OSER1: variants seen among roughly 807,000 people sequenced by gnomAD.
The protein encoded by OSER1 is oxidative stress-responsive serine-rich protein 1.
OSER1 carries 15 observed loss-of-function variants against 26.3 expected under a neutral mutation model. The observed-to-expected ratio is 0.57, with a 90% CI of 0.38 to 0.88. The LOEUF (loss-of-function observed/expected upper bound fraction) is 0.88. Ranked by LOEUF, OSER1 falls within the 40% of genes least tolerant of loss-of-function variation. The pLI, the probability that OSER1 is intolerant of heterozygous loss-of-function variation, is 0.00. For missense variants in OSER1, 313 were observed against 353.9 expected (o/e 0.88, Z 0.93); for synonymous variants, 127 against 128.2 (o/e 0.99, Z 0.07).
In OSER1 at chr20:44,197,337, T is replaced by C. The variant is rs142262946; in HGVS notation, c.594A>G (p.Thr198=). The change falls in exon 4 of 4, where the codon ACA becomes ACG. Residue 198 remains threonine, a synonymous_variant. Transcript: ENST00000255174. ...TACACTGGCATTCCTTGCCTATGCA[T>C]GTGCATGGCTTGCCCTGGTTTAGCT... ...VSKLNQGKPC[T]CIGKECQCKR... 6.1e-5 allele frequency: 98 copies of C among 1,614,216 alleles called. No homozygotes were observed. The African/African-American group carries it at 1.1e-3, about 19-fold the overall frequency.
chr20:44,204,117 T>C (rs372825780), intron 2 of OSER1, among the ~76,000 whole-genome samples: 2 of 152,252 alleles, frequency 1.3e-5, no homozygotes, highest in African/African-American at 4.8e-5. Flanking sequence ...GTTTTTATCC[T>C]GTTTTGTTTT....
intron 2 of OSER1, among the ~76,000 whole-genome samples, chr20:44,205,827 C>G (rs1435855767): frequency 6.6e-6 from 1 of 151,616 alleles, no homozygotes; most frequent in Non-Finnish European, 1.5e-5. Context: ...GTAGTCCCAG[C>G]TACTCGGGAG....
In OSER1 at chr20:44,197,433, G is replaced by A. The variant is rs754375515; in HGVS notation, c.498C>T (p.Ser166=). ...CTTGGGGGACTTGGGTAGCGTCAGA[G>A]GAGTCTTCCTTCTTACTCTCTGATG... ...RLPSESKKED[S]SDATQVPQAS... Residue 166 remains serine, a synonymous_variant, in exon 4 of 4, where the codon TCC becomes TCT. Coordinates refer to ENST00000255174, the MANE Select transcript of OSER1 (RefSeq NM_016470.8). 8.1e-6 allele frequency: 13 copies of A among 1,614,186 alleles called. No individual in the cohort carries two copies. Among genetic ancestry groups the A allele is most frequent in the Non-Finnish European group, 1.1e-5 (13 of 1,180,012 alleles).
chr20:44,201,506 G>C (rs1178253295), intron 3 of OSER1, among the ~76,000 whole-genome samples: 1 of 152,198 alleles, frequency 6.6e-6, no homozygotes, highest in Non-Finnish European at 1.5e-5. Flanking sequence ...AAAAGTAAGT[G>C]ATTGTATATG....
In OSER1 at chr20:44,208,954, C is replaced by A. The variant is rs140535341; in HGVS notation, c.-42+1742G>T. On this transcript the variant is annotated intron_variant, in intron 1 of 3. Transcript: ENST00000255174. ...CCTACAGGCAGAAATTCATTTCTTTCACAAATATTTACAGAATTCCTACCA... is the reference window on the plus strand; with the variant it reads ...CCTACAGGCAGAAATTCATTTCTTTAACAAATATTTACAGAATTCCTACCA... 6.6e-3 allele frequency among the ~76,000 whole-genome samples: 1,010 copies of A among 152,276 alleles called. 2 individuals are homozygous for A. The highest frequency in any genetic ancestry group is 1.0e-2 in the Non-Finnish European group (680 of 68,012).
At position 44,203,103 on chromosome 20, in the gene OSER1, C is replaced by CA. The variant is rs776489371; in HGVS notation, c.78-30dup. ...AAGACAAGAACAAAGTTTACAGCTA[C>CA]AAAAAACTGTAAAATGAGGAGAACA... On this transcript the variant is annotated intron_variant, in intron 2 of 3. Coordinates refer to ENST00000255174, the MANE Select transcript of OSER1 (RefSeq NM_016470.8). The CA allele has an allele frequency of 3.0e-5, 35 of 1,167,978 alleles. 1 individual carries two copies. Among genetic ancestry groups the CA allele is most frequent in the South Asian group, 2.1e-4 (17 of 80,808 alleles). 72.4% of individuals were successfully genotyped at this position (1,167,978 alleles called of 1,614,324 possible). A position where few individuals can be genotyped will look rare whatever the true frequency, so the allele number is the denominator to read the frequency against.
chr20:44,208,118 G>A (rs878978670), intron 1 of OSER1, among the ~76,000 whole-genome samples: 2 of 57,978 alleles, frequency 3.4e-5, no homozygotes, highest in African/African-American at 6.8e-5. Context: ...GCCCCCCCCC[G>A]CCCCCACCCC....
rs1425304562 is a variant in OSER1 at position 44,196,227 on chromosome 20, C to A, written c.*825G>T. The stretch of plus-strand genomic sequence containing the variant: ...TTTTAGGGTTGCTGGGGTGACAGGG[C>A]AGCTCAAAGAGGTAACCATCTATAA... On this transcript the variant is annotated 3_prime_UTR_variant, in exon 4 of 4. Coordinates refer to ENST00000255174, the MANE Select transcript of OSER1 (RefSeq NM_016470.8). Among the ~76,000 whole-genome samples, 2 of 147,828 alleles carry A rather than the reference C, an allele frequency of 1.4e-5. No individual in the cohort carries two copies. The highest frequency in any genetic ancestry group is 5.0e-5 in the African/African-American group (2 of 40,086).
At chr20:44,204,515 T>C (rs1359211468) in intron 2 of OSER1, among the ~76,000 whole-genome samples, 1 of 152,170 alleles carries the variant, frequency 6.6e-6, no homozygotes, top group East Asian at 1.9e-4. Flanking sequence ...ATGCTACAAA[T>C]ATATAATTTT....
At chr20:44,211,463 C>T (rs1307944140), upstream of OSER1, 3 of 152,160 alleles carry the variant, frequency 2.0e-5, no homozygotes, top group Admixed American at 6.6e-5. Flanking sequence ...ACTGCTTTTC[C>T]TCCTTTGGGC....
At chr20:44,204,739 A>G (rs112812381) in intron 2 of OSER1, among the ~76,000 whole-genome samples, 1 of 152,222 alleles carries the variant, frequency 6.6e-6, no homozygotes, top group Non-Finnish European at 1.5e-5. Context: ...GAGAACATGC[A>G]GCATGTGGTT....
In OSER1 at chr20:44,197,054, A is replaced by T; in HGVS notation, c.877T>A (p.Ter293ArgextTer1). 1 of 1,597,312 alleles carries T rather than the reference A, an allele frequency of 6.3e-7. No homozygotes were observed. Among genetic ancestry groups the T allele is most frequent in the Non-Finnish European group, 8.6e-7 (1 of 1,165,224 alleles). ...GCATATGAATTAGCTTCTTGCTATC[A>T]GGTGTACATCATTTCTGCCATGTGG... ...MSHMAEMMYT[*>R] Residue 293 changes from the stop codon to arginine, a stop_lost, in exon 4 of 4, where the codon TGA (stop) becomes AGA (arginine). Coordinates refer to ENST00000255174, the MANE Select transcript of OSER1 (RefSeq NM_016470.8).
chr20:44,202,919 TATA>T (rs751859241), intron 3 of OSER1, 39 bp downstream of exon 3: 6 of 1,126,344 alleles, frequency 5.3e-6, no homozygotes, highest in Non-Finnish European at 8.1e-6. Flanking sequence ...CCAATACTAT[TATA>T]ATATTGGAAT....
chr20:44,202,940 A>T, intron 3 of OSER1, 21 bp downstream of exon 3: 1 of 1,303,260 alleles, frequency 7.7e-7, no homozygotes, highest in Non-Finnish European at 1.1e-6. Context: ...AATAAAAATC[A>T]TCTCAATAAG....
chr20:44,197,804 A>T, intron 3 of OSER1, 65 bp from the exon 4 acceptor site: 1 of 1,088,392 alleles, frequency 9.2e-7, no homozygotes, highest in Non-Finnish European at 1.3e-6. Flanking sequence ...CAGATTCTTT[A>T]TGACAGTAGG....
At chr20:44,203,707 C>CAT (rs2073009342) in intron 2 of OSER1, among the ~76,000 whole-genome samples, 1 of 150,578 alleles carries the variant, frequency 6.6e-6, no homozygotes, top group African/African-American at 2.5e-5. Flanking sequence ...CACACACACA[C>CAT]ACACACACAC....
At chr20:44,207,206 T>A (rs2073047162) in intron 1 of OSER1, 1 of 306,288 alleles carries the variant, frequency 3.3e-6, no homozygotes, top group African/African-American at 2.1e-5. Context: ...ATATAAACTG[T>A]TCACATACTT....
intron 2 of OSER1, among the ~76,000 whole-genome samples, chr20:44,203,694 T>TAACACACACACACACACACACA (rs1555866748): frequency 1.9e-4 from 28 of 145,454 alleles, no homozygotes; most frequent in African/African-American, 6.9e-4. Flanking sequence ...CAGACTTTTT[T>TAACACACACACACACACACACA]CACACACACA....
Position 44,197,590 on chromosome 20 carries a change from G to A in OSER1, c.341C>T (p.Ser114Leu), listed in dbSNP as rs2072933942. Residue 114 changes from serine to leucine, a missense_variant, in exon 4 of 4, where the codon TCA becomes TTA. By Grantham distance (145) the Ser-to-Leu change is moderately radical (BLOSUM62 -2). Coordinates refer to ENST00000255174, the MANE Select transcript of OSER1 (RefSeq NM_016470.8). ...TCCCAGCCCACTGCTGCCATCAGGTGAGTCAGTCTGGCTTTTGTGCTTGAG... is the reference window on the plus strand; with the variant it reads ...TCCCAGCCCACTGCTGCCATCAGGTAAGTCAGTCTGGCTTTTGTGCTTGAG... ...SQLKHKSQTD[S>L]PDGSSGLGIS... The A allele has an allele frequency of 6.2e-7, 1 of 1,614,218 alleles. No homozygotes were observed. Among genetic ancestry groups the A allele is most frequent in the Admixed American group, 1.7e-5 (1 of 60,028 alleles).
Sources: allele counts gnomAD v4.1 joint callset (sites outside exome capture counted in the v4.1 genomes callset), GRCh38; gene constraint gnomAD v4.1.1; transcripts MANE v1.5; gene names NCBI Gene and HGNC (gene_info 2026-07-23, HGNC 2026-07-21).